NXPE2: variants seen among roughly 807,000 people sequenced by gnomAD.
The protein encoded by NXPE2 is neurexophilin and PC-esterase domain family member 2.
NXPE2 carries 34 observed loss-of-function variants against 34.4 expected under a neutral mutation model. That is an observed-to-expected ratio of 0.99 (90% CI 0.75 to 1.31). The LOEUF is 1.31. Ranked by LOEUF, NXPE2 falls within the 40% of genes most tolerant of loss-of-function variation. NXPE2 has a pLI of 0.00. For missense variants in NXPE2, 649 were observed against 672.5 expected (o/e 0.97, Z 0.39); for synonymous variants, 235 against 231.3 (o/e 1.02, Z -0.15).
At chr11:114,681,966 G>A (rs531409998) in intron 2 of NXPE2, among the ~76,000 whole-genome samples, 27 of 152,206 alleles carry the variant, frequency 1.8e-4, no homozygotes, top group Admixed American at 2.6e-4. Context: ...TAAAACACTT[G>A]ATATTACAAA....
the NXPE2 span, chr11:114,552,804 CCTTTT>C: frequency 3.7e-6 from 3 of 812,630 alleles, no homozygotes; most frequent in Non-Finnish European, 4.5e-6. Flanking sequence ...TTCTCAATCT[CCTTTT>C]CATAGATCTT....
chr11:114,627,881 T>G, the NXPE2 span, among the ~76,000 whole-genome samples: 1 of 151,268 alleles, frequency 6.6e-6, no homozygotes, highest in Non-Finnish European at 1.5e-5. Flanking sequence ...TAGTCTCTGA[T>G]AAAACAGACT....
the NXPE2 span, among the ~76,000 whole-genome samples, chr11:114,806,535 G>T: frequency 2.0e-5 from 3 of 151,970 alleles, no homozygotes; most frequent in Admixed American, 2.0e-4. Context: ...AGGCACGAGA[G>T]CTACATGACG....
chr11:114,560,789 C>T, the NXPE2 span, among the ~76,000 whole-genome samples: 5 of 152,142 alleles, frequency 3.3e-5, no homozygotes, highest in African/African-American at 1.2e-4. Context: ...ATCCTTCTTT[C>T]CCCTCTAACC....
At chr11:114,585,188 C>G in the NXPE2 span, among the ~76,000 whole-genome samples, 1 of 151,524 alleles carries the variant, frequency 6.6e-6, no homozygotes, top group Non-Finnish European at 1.5e-5. Flanking sequence ...TGTCTTCCCC[C>G]AGTTCTGCAG....
the NXPE2 span, among the ~76,000 whole-genome samples, chr11:114,749,832 G>A: frequency 2.3e-3 from 355 of 152,052 alleles, 2 homozygotes; most frequent in African/African-American, 8.2e-3. Context: ...CTCCTTCCAC[G>A]TGGATGTCTT....
chr11:114,775,879 C>CAAA, the NXPE2 span, among the ~76,000 whole-genome samples: 3 of 90,628 alleles, frequency 3.3e-5, no homozygotes, highest in South Asian at 3.4e-4. Flanking sequence ...AACAAAAAAA[C>CAAA]GAAAAAAAAA....
intron 2 of NXPE2, among the ~76,000 whole-genome samples, chr11:114,687,869 A>G (rs966389747): frequency 4.6e-5 from 7 of 151,606 alleles, no homozygotes; most frequent in Non-Finnish European, 1.0e-4. Flanking sequence ...ATAGGATTGG[A>G]TTCTTAATAG....
the NXPE2 span, among the ~76,000 whole-genome samples, chr11:114,621,646 G>A: frequency 6.6e-6 from 1 of 152,152 alleles, no homozygotes; most frequent in African/African-American, 2.4e-5. Context: ...TTGCCTTGTG[G>A]GTTACCACTG....
At chr11:114,555,393 A>T in the NXPE2 span, among the ~76,000 whole-genome samples, 1 of 152,004 alleles carries the variant, frequency 6.6e-6, no homozygotes, top group Admixed American at 6.6e-5. Context: ...TGCCCGGCTA[A>T]TTTTTTATAT....
At chr11:114,523,144 G>T in the NXPE2 span, 1 of 1,314,260 alleles carries the variant, frequency 7.6e-7, no homozygotes, top group Non-Finnish European at 1.1e-6. Context: ...TAGACATCTA[G>T]CCTTCTTTCC....
the NXPE2 span, among the ~76,000 whole-genome samples, chr11:114,720,115 A>T: frequency 6.6e-6 from 1 of 152,080 alleles, no homozygotes; most frequent in African/African-American, 2.4e-5. Context: ...AAACCATTTC[A>T]CTTGTTTCTA....
chr11:114,531,329 T>C, the NXPE2 span, among the ~76,000 whole-genome samples: 3 of 152,170 alleles, frequency 2.0e-5, no homozygotes. Context: ...GTAACATCTG[T>C]ACCTTTTAGT....
chr11:114,566,710 T>TCG, the NXPE2 span, among the ~76,000 whole-genome samples: 1 of 152,144 alleles, frequency 6.6e-6, no homozygotes, highest in African/African-American at 2.4e-5. Context: ...TCTCTCTCTC[T>TCG]CTCTCTATCT....
the NXPE2 span, among the ~76,000 whole-genome samples, chr11:114,669,471 G>A: frequency 5.3e-5 from 8 of 152,038 alleles, no homozygotes. Context: ...CCAGTTGTGT[G>A]TTGCAGAGGT....
At chr11:114,594,696 T>C in the NXPE2 span, 1 of 1,604,022 alleles carries the variant, frequency 6.2e-7, no homozygotes, top group Non-Finnish European at 8.5e-7. Context: ...GTAAAAATGA[T>C]CCAGGAGGCT....
the NXPE2 span, among the ~76,000 whole-genome samples, chr11:114,637,140 G>C: frequency 5.9e-5 from 9 of 151,616 alleles, no homozygotes; most frequent in African/African-American, 1.9e-4. Flanking sequence ...TATGAATCTA[G>C]GTGCTCCTGT....
At chr11:114,547,658 C>T in the NXPE2 span, among the ~76,000 whole-genome samples, 1 of 152,082 alleles carries the variant, frequency 6.6e-6, no homozygotes, top group Non-Finnish European at 1.5e-5. Flanking sequence ...TCACTTGAAC[C>T]TAGGAGGCAG....
the NXPE2 span, among the ~76,000 whole-genome samples, chr11:114,532,723 G>A: frequency 6.6e-6 from 1 of 152,078 alleles, no homozygotes; most frequent in Non-Finnish European, 1.5e-5. Flanking sequence ...GTGTGTATGT[G>A]CATATATGCA....
Sources: allele counts gnomAD v4.1 joint callset (sites outside exome capture counted in the v4.1 genomes callset), GRCh38; gene constraint gnomAD v4.1.1; transcripts MANE v1.5; gene names NCBI Gene and HGNC (gene_info 2026-07-23, HGNC 2026-07-21).